SEM1: variants seen among roughly 807,000 people sequenced by gnomAD.
The protein encoded by SEM1 is 26S proteasome complex subunit SEM1.
Under a neutral mutation model 12.7 loss-of-function variants are expected in SEM1, and 3 were observed. That is an observed-to-expected ratio of 0.24 (90% confidence interval 0.11 to 0.61). SEM1 has a LOEUF of 0.61. Among genes scored for constraint, SEM1 ranks in the 20% least tolerant of loss-of-function variants. SEM1 has a pLI of 0.88. For synonymous variants in SEM1, 30 were observed against 27.8 expected, an observed-to-expected ratio of 1.08 and a Z score of -0.25; for missense variants, 59 against 81.3, an observed-to-expected ratio of 0.73 and a Z score of 1.06.
At chr7:96,678,818 GCT>G (rs945074081) in intron 2 of SEM1, among the ~76,000 whole-genome samples, 5 of 152,050 alleles carry the variant, frequency 3.3e-5, no homozygotes, top group Admixed American at 1.3e-4. Flanking sequence ...AAGTATATAT[GCT>G]CTCTTTCAGA....
At chr7:96,587,974 C>T (rs1157389773) in intron 2 of SEM1, among the ~76,000 whole-genome samples, 2 of 152,092 alleles carry the variant, frequency 1.3e-5, no homozygotes, top group Admixed American at 1.3e-4. Flanking sequence ...TATACTTTGT[C>T]ATGTTAACAA....
downstream of SEM1, among the ~76,000 whole-genome samples, chr7:96,686,390 A>G (rs1346041832): frequency 6.6e-6 from 1 of 152,000 alleles, no homozygotes; most frequent in Non-Finnish European, 1.5e-5. Flanking sequence ...CCTCTGCTCA[A>G]CTCCTATGAG....
intron 2 of SEM1, among the ~76,000 whole-genome samples, chr7:96,521,997 G>A (rs534178285): frequency 2.0e-5 from 3 of 152,282 alleles, no homozygotes; most frequent in Non-Finnish European, 4.4e-5. Flanking sequence ...AAGGAGTACA[G>A]AGGGAAACAG....
At chr7:96,645,557 T>A (rs1584829797) in intron 2 of SEM1, 1 of 390,686 alleles carries the variant, frequency 2.6e-6, no homozygotes, top group East Asian at 3.6e-5. Context: ...ATATAAAGCA[T>A]GAAAGAGAGA....
At chr7:96,539,638 AAT>A (rs1226671071) in intron 2 of SEM1, among the ~76,000 whole-genome samples, 1 of 151,784 alleles carries the variant, frequency 6.6e-6, no homozygotes, top group Non-Finnish European at 1.5e-5. Context: ...AAATATATAA[AAT>A]ATGATTTAAA....
At chr7:96,588,068 G>A (rs17167650) in intron 2 of SEM1, among the ~76,000 whole-genome samples, 6,314 of 152,160 alleles carry the variant, frequency 0.041, 342 homozygotes, top group Admixed American at 0.14. Flanking sequence ...ACCTCATCAA[G>A]CCAACTAAGA....
Position 96,484,083 on chromosome 7 carries a change from G to A in SEM1, c.258-95C>T, listed in dbSNP as rs1050311298. The A allele has an allele frequency of 6.0e-6, 7 of 1,168,416 alleles. No homozygotes were observed. In the African/African-American group the frequency reaches 9.3e-5, roughly 16 times the overall value. The allele number at this position is 1,168,416 out of a possible 1,614,324, so 72.4% of individuals were successfully genotyped here. A position where few individuals can be genotyped will look rare whatever the true frequency, so the allele number is the denominator to read the frequency against. On this transcript the variant is annotated intron_variant, in intron 3 of 3. Transcript: ENST00000356686. ...TCAATCTTCACAACAACCCTATAGG[G>A]TAGATCCAATCATCCCCATTTTAGA...
At chr7:96,695,291 A>G (rs1340806372) in intron 1 of SEM1, 1 of 155,474 alleles carries the variant, frequency 6.4e-6, no homozygotes, top group Non-Finnish European at 1.4e-5. Context: ...AGGATAACTT[A>G]TATACAAATA....
chr7:96,703,953 C>G (rs1400625349), intron 1 of SEM1, among the ~76,000 whole-genome samples: 1 of 142,898 alleles, frequency 7.0e-6, no homozygotes, highest in Non-Finnish European at 1.5e-5. Flanking sequence ...AGCACCAGAG[C>G]AAGACCTTGT....
chr7:96,683,936 T>C (rs1789691244), downstream of SEM1, among the ~76,000 whole-genome samples: 1 of 152,040 alleles, frequency 6.6e-6, no homozygotes, highest in African/African-American at 2.4e-5. Flanking sequence ...AGATGATGGG[T>C]TGATGGGTCA....
chr7:96,662,919 T>C (rs768483521), intron 2 of SEM1, among the ~76,000 whole-genome samples: 3 of 152,146 alleles, frequency 2.0e-5, no homozygotes, highest in Non-Finnish European at 4.4e-5. Context: ...GTGTAAACCA[T>C]AAAAGAAAAA....
At chr7:96,692,673 T>A (rs544887217) in intron 2 of SEM1, among the ~76,000 whole-genome samples, 1 of 152,110 alleles carries the variant, frequency 6.6e-6, no homozygotes, top group Non-Finnish European at 1.5e-5. Flanking sequence ...AAGAGCCATA[T>A]ACTGATCATG....
At chr7:96,544,156 C>T (rs918005707) in intron 2 of SEM1, among the ~76,000 whole-genome samples, 48 of 152,028 alleles carry the variant, frequency 3.2e-4, no homozygotes, top group African/African-American at 1.1e-3. Context: ...TAGGAAAACA[C>T]AATTCCACAA....
At chr7:96,559,921 A>G (rs1258050657) in intron 2 of SEM1, among the ~76,000 whole-genome samples, 1 of 152,208 alleles carries the variant, frequency 6.6e-6, no homozygotes, top group Non-Finnish European at 1.5e-5. Flanking sequence ...TGCTGGAGCT[A>G]TGGGATAGAA....
Position 96,703,971 on chromosome 7 carries a change from A to AC in SEM1, c.76+5716_76+5717insG, listed in dbSNP as rs1387214042. Among the ~76,000 whole-genome samples, 479 of 109,196 alleles carry AC rather than the reference A, an allele frequency of 4.4e-3. 2 individuals are homozygous for AC. The highest frequency in any genetic ancestry group is 0.02 in the East Asian group (61 of 2,992). The allele number at this position is 109,196 out of a possible 152,430, so 71.6% of individuals were successfully genotyped here. ...ACCAGAGCAAGACCTTGTCTCTTAAAAACACACACACACACACACACACAC... is the reference window on the plus strand; with the variant it reads ...ACCAGAGCAAGACCTTGTCTCTTAAACAACACACACACACACACACACACAC... On this transcript the variant is annotated intron_variant, in intron 1 of 2. Coordinates refer to ENST00000248566, the MANE Select transcript of SEM1 (RefSeq NM_006304.2).
At chr7:96,532,743 G>A (rs773171556) in intron 2 of SEM1, among the ~76,000 whole-genome samples, 3 of 152,028 alleles carry the variant, frequency 2.0e-5, no homozygotes, top group Admixed American at 6.6e-5. Context: ...ATGCATTATC[G>A]TACTTGCTAA....
chr7:96,579,987 A>T (rs1806335458), intron 2 of SEM1, among the ~76,000 whole-genome samples: 1 of 151,392 alleles, frequency 6.6e-6, no homozygotes, highest in Non-Finnish European at 1.5e-5. Flanking sequence ...TTATTATTAT[A>T]CTTTAAGTTT....
intron 1 of SEM1, among the ~76,000 whole-genome samples, chr7:96,709,061 T>A (rs1055583682): frequency 1.2e-4 from 18 of 152,136 alleles, no homozygotes; most frequent in Non-Finnish European, 2.6e-4. Flanking sequence ...GTGATCCTCC[T>A]GCCTCTTCCT....
intron 1 of SEM1, chr7:96,696,762 C>A (rs542108427): frequency 1.3e-5 from 2 of 152,066 alleles, no homozygotes; most frequent in East Asian, 3.9e-4. Flanking sequence ...ACTATACATA[C>A]ATGTTACAAT....
Sources: gnomAD v4.1 joint callset for allele counts (sites outside exome capture counted in the v4.1 genomes callset) on GRCh38, gnomAD v4.1.1 for gene constraint, MANE v1.5 for transcripts, NCBI Gene and HGNC (gene_info 2026-07-23, HGNC 2026-07-21) for gene names.